Variants in FRMD4A observed in about 807,000 individuals in gnomAD.
FRMD4A encodes FERM domain-containing protein 4A.
A neutral mutation model predicts 129.1 loss-of-function variants in FRMD4A; 29 were observed. That is an observed-to-expected ratio of 0.22 (90% CI 0.17 to 0.31). FRMD4A has a LOEUF of 0.31. Among genes scored for constraint, FRMD4A ranks in the 10% least tolerant of loss-of-function variants. The pLI, the probability that FRMD4A is intolerant of heterozygous loss-of-function variation, is 1.00. For missense variants in FRMD4A, 1,272 were observed against 1,375.8 expected (o/e 0.92, Z 1.19); for synonymous variants, 634 against 571.6 (o/e 1.11, Z -1.56).
chr10:14,035,072 A>G (rs1003875937), intron 2 of FRMD4A, among the ~76,000 whole-genome samples: 1 of 152,160 alleles, frequency 6.6e-6, no homozygotes, highest in Non-Finnish European at 1.5e-5. Context: ...TACCGGGGGG[A>G]CCAACCTATA....
intron 15 of FRMD4A, among the ~76,000 whole-genome samples, chr10:13,681,783 G>A (rs1055852480): frequency 9.9e-5 from 15 of 152,116 alleles, no homozygotes; most frequent in African/African-American, 3.4e-4. Context: ...GTAACCTCTC[G>A]AAGTCTGTTT....
rs774081353 is a variant in FRMD4A, at chr10:13,657,145, C to A, written c.2444G>T (p.Gly815Val). The change falls in exon 22 of 25, where the codon GGC (glycine) becomes GTC (valine). Residue 815 changes from glycine (G) to valine (V), a missense_variant. Gly to Val is a moderately radical substitution (Grantham distance 109). Around this residue, in one of 2 missense-constraint regions of FRMD4A, gnomAD observed 972 missense variants for 892.3 expected, o/e 1.09. Coordinates refer to ENST00000357447, the MANE Select transcript of FRMD4A (RefSeq NM_018027.5). Reference sequence around the variant, plus strand: ...GTGCAGGTACACACCGCCCCCCGCGCCCCCCGCGCCCCCCGCACCCCCGCG... The same window carrying A: ...GTGCAGGTACACACCGCCCCCCGCGACCCCCGCGCCCCCCGCACCCCCGCG... ...AARGGAGGAG[G>V]AGGGVYLHSQ... 2.4e-5 allele frequency: 36 copies of A among 1,476,026 alleles called. No homozygotes were observed. The highest frequency in any genetic ancestry group is 2.4e-4 in the Middle Eastern group (1 of 4,172). 91.4% of individuals were successfully genotyped at this position (1,476,026 alleles called of 1,614,324 possible).
In FRMD4A at chr10:13,894,128, C is replaced by G. The variant is rs997694557; in HGVS notation, c.46-35216G>C. On this transcript the variant is annotated intron_variant, in intron 2 of 24. Coordinates refer to ENST00000357447, the MANE Select transcript of FRMD4A (RefSeq NM_018027.5). Reference sequence around the variant, plus strand: ...TCATGAGGGCAGCCCCTTATCCCAACAGTGCCTGAAGCTGAGTGAGCAACT... The same window carrying G: ...TCATGAGGGCAGCCCCTTATCCCAAGAGTGCCTGAAGCTGAGTGAGCAACT... 2.0e-5 allele frequency among the ~76,000 whole-genome samples: 3 copies of G among 152,304 alleles called. No homozygotes were observed. In the South Asian group the frequency reaches 6.2e-4, roughly 32 times the overall value.
At position 13,657,787 on chromosome 10, in the gene FRMD4A, G is replaced by GTTTTTTTTTTTTTTTTTTTTTTTTTT. The variant is rs1204181870; in HGVS notation, c.2067-266_2067-265insAAAAAAAAAAAAAAAAAAAAAAAAAA. Reference sequence around the variant, plus strand: ...ACTCACAGAAAGGTTTCGATTTCTGGGTTTTTTTTTTTTTTTAAATAATTC... The same window carrying GTTTTTTTTTTTTTTTTTTTTTTTTTT: ...ACTCACAGAAAGGTTTCGATTTCTGGTTTTTTTTTTTTTTTTTTTTTTTTTTGTTTTTTTTTTTTTTTAAATAATTC... On this transcript the variant is annotated intron_variant, in intron 21 of 24. Transcript: ENST00000357447. Among the ~76,000 whole-genome samples the GTTTTTTTTTTTTTTTTTTTTTTTTTT allele has an allele frequency of 1.8e-5, 2 of 110,960 alleles. 1 individual carries two copies. The highest frequency in any genetic ancestry group is 7.4e-5 in the African/African-American group (2 of 27,050). 72.8% of individuals were successfully genotyped at this position (110,960 alleles called of 152,430 possible).
chr10:14,256,519 T>C (rs1390861053), intron 2 of FRMD4A, among the ~76,000 whole-genome samples: 2 of 152,234 alleles, frequency 1.3e-5, no homozygotes, highest in African/African-American at 4.8e-5. Flanking sequence ...AATTATAATG[T>C]TATAAAGAAT....
At chr10:14,014,229 G>A (rs1305087508) in intron 2 of FRMD4A, among the ~76,000 whole-genome samples, 1 of 152,172 alleles carries the variant, frequency 6.6e-6, no homozygotes, top group Non-Finnish European at 1.5e-5. Context: ...AAGAAGAGAA[G>A]AGGAGCAATA....
At chr10:13,884,650 G>T (rs182383041) in intron 2 of FRMD4A, among the ~76,000 whole-genome samples, 2 of 152,134 alleles carry the variant, frequency 1.3e-5, no homozygotes, top group East Asian at 3.9e-4. Context: ...TCCAGGACTC[G>T]CTGGAGACCC....
rs1236885252 is a variant in FRMD4A at position 13,931,971 on chromosome 10, CAACCAACA to C, written c.46-73067_46-73060del. 1.7e-3 allele frequency among the ~76,000 whole-genome samples: 263 copies of C among 151,954 alleles called. 3 individuals are homozygous for C. In the East Asian group the frequency reaches 0.041, roughly 24 times the overall value. On this transcript the variant is annotated intron_variant, in intron 2 of 24. Coordinates refer to ENST00000357447, the MANE Select transcript of FRMD4A (RefSeq NM_018027.5). ...CTCAAAAACCAACCAACCAACCAACCAACCAACAAACCAACCAACCAACCCCCTTCTAC... is the reference window on the plus strand; with the variant it reads ...CTCAAAAACCAACCAACCAACCAACCAACCAACCAACCAACCCCCTTCTAC...
chr10:14,052,279 C>A (rs976474539), intron 2 of FRMD4A, among the ~76,000 whole-genome samples: 2 of 152,174 alleles, frequency 1.3e-5, no homozygotes, highest in Admixed American at 1.3e-4. Context: ...CTTAAACTAC[C>A]TGGTTTGCAG....
chr10:14,175,380 TCTTCCTTCATTGATGCTTTTCACCCC>T (rs1841681821), intron 2 of FRMD4A, among the ~76,000 whole-genome samples: 1 of 152,150 alleles, frequency 6.6e-6, no homozygotes, highest in Admixed American at 6.5e-5. Flanking sequence ...GGCCCCTGCC[TCTTCCTTCATTGATGCTTTTCACCCC>T]TAATTAACAT....
At chr10:14,096,844 A>T (rs932709448) in intron 2 of FRMD4A, among the ~76,000 whole-genome samples, 33 of 152,122 alleles carry the variant, frequency 2.2e-4, no homozygotes, top group Non-Finnish European at 5.9e-5. Flanking sequence ...CTAAAGAACA[A>T]AAAAAGCAGG....
chr10:13,792,951 A>C (rs1455632005), intron 5 of FRMD4A, among the ~76,000 whole-genome samples: 3 of 152,198 alleles, frequency 2.0e-5, no homozygotes, highest in African/African-American at 7.2e-5. Context: ...GTTCCAATTC[A>C]TGTTATTTAA....
chr10:14,239,266 G>C (rs1238135045), intron 2 of FRMD4A, among the ~76,000 whole-genome samples: 2 of 152,174 alleles, frequency 1.3e-5, no homozygotes, highest in Non-Finnish European at 2.9e-5. Context: ...TCCTTAATTT[G>C]CTCTAATTAA....
chr10:13,779,788 C>CAAAA (rs33912813), intron 6 of FRMD4A, among the ~76,000 whole-genome samples: 5 of 146,938 alleles, frequency 3.4e-5, no homozygotes, highest in Admixed American at 2.0e-4. Context: ...AATTCACTCT[C>CAAAA]AAAAAAAAAA....
intron 21 of FRMD4A, among the ~76,000 whole-genome samples, chr10:13,658,838 C>T (rs1589238553): frequency 1.3e-5 from 2 of 148,428 alleles, no homozygotes; most frequent in South Asian, 2.1e-4. Context: ...GCCAAGATCG[C>T]GCCACTGTAC....
At chr10:14,185,435 G>T (rs1050458054) in intron 2 of FRMD4A, among the ~76,000 whole-genome samples, 1 of 152,244 alleles carries the variant, frequency 6.6e-6, no homozygotes, top group South Asian at 2.1e-4. Flanking sequence ...AGCTAGTACA[G>T]ATGAGGATGT....
intron 3 of FRMD4A, among the ~76,000 whole-genome samples, chr10:13,854,075 CTA>C (rs927099478): frequency 6.6e-6 from 1 of 152,058 alleles, no homozygotes; most frequent in South Asian, 2.1e-4. Context: ...AAAATCCACT[CTA>C]TTTTTATGAA....
At chr10:13,772,264 C>T (rs2092480229) in intron 6 of FRMD4A, among the ~76,000 whole-genome samples, 1 of 145,854 alleles carries the variant, frequency 6.9e-6, no homozygotes, top group Admixed American at 6.8e-5. Flanking sequence ...TCCCTTTGGG[C>T]AAGGGCAAAC....
chr10:13,857,626 A>T (rs903865751), intron 3 of FRMD4A, among the ~76,000 whole-genome samples: 4 of 152,202 alleles, frequency 2.6e-5, no homozygotes, highest in Non-Finnish European at 5.9e-5. Context: ...ACGCAAGACG[A>T]AAGTGTCTGC....
Sources: allele counts gnomAD v4.1 joint callset (sites outside exome capture counted in the v4.1 genomes callset), GRCh38; gene constraint gnomAD v4.1.1; regional missense constraint gnomAD v4.1.1; transcripts MANE v1.5; gene names NCBI Gene and HGNC (gene_info 2026-07-23, HGNC 2026-07-21).